Variants in FGFR4 observed in about 807,000 individuals in gnomAD.
FGFR4 encodes hydroxyaryl-protein kinase.
FGFR4 carries 63 observed loss-of-function variants against 89.9 expected under a neutral mutation model. The observed-to-expected ratio is 0.70, with a 90% CI of 0.57 to 0.86. FGFR4 has a LOEUF of 0.86. Among genes scored for constraint, FGFR4 ranks in the 40% least tolerant of loss-of-function variants. The probability of loss-of-function intolerance (pLI) is 0.00; values close to 1 mark genes in which losing one functional copy is unlikely to be tolerated. For synonymous variants in FGFR4, 486 were observed against 479.4 expected, an observed-to-expected ratio of 1.01 and a Z score of -0.18; for missense variants, 928 against 1,106.7, an observed-to-expected ratio of 0.84 and a Z score of 2.29.
chr5:177,087,581 C>T lies in FGFR4; in HGVS notation c.-54+504C>T. ...TCCCACGTGGGGGGTGGTCGGTCAG[C>T]GGTCAGCAGCCATGGGTGACTCGAC... On this transcript the variant is annotated intron_variant, in intron 1 of 17. Transcript: ENST00000292408. The surrounding 1 kb of genome is among the most constrained non-coding windows in gnomAD (Gnocchi z 6.1). The T allele has an allele frequency of 2.0e-6, 2 of 985,504 alleles. No individual in the cohort carries two copies. The highest frequency in any genetic ancestry group is 2.4e-6 in the Non-Finnish European group (2 of 830,010). The allele number at this position is 985,504 out of a possible 1,614,324, so 61.0% of individuals were successfully genotyped here.
chr5:177,090,829 A>G lies in FGFR4; in HGVS notation c.436+4A>G. 6.2e-7 allele frequency: 1 copy of G among 1,614,142 alleles called. No homozygotes were observed. Among genetic ancestry groups the G allele is most frequent in the East Asian group, 2.2e-5 (1 of 44,892 alleles). On this transcript the variant is annotated splice_donor_region_variant and intron_variant, in intron 4 of 17. Transcript: ENST00000292408. Reference sequence around the variant, plus strand: ...AGGCACAGTTACCCCCAGCAAGGTCAGTAGGTCTCCAAGGACTTGTGTCCC... The same window carrying G: ...AGGCACAGTTACCCCCAGCAAGGTCGGTAGGTCTCCAAGGACTTGTGTCCC...
chr5:177,097,685 C>T lies in FGFR4; in HGVS notation c.*9C>T. The T allele has an allele frequency of 6.2e-7, 1 of 1,613,022 alleles. No homozygotes were observed. Among genetic ancestry groups the T allele is most frequent in the Non-Finnish European group, 8.5e-7 (1 of 1,179,448 alleles). On this transcript the variant is annotated 3_prime_UTR_variant, in exon 18 of 18. Transcript: ENST00000292408. ...CTGGGGTGCAGACATGAGCAAGGCT[C>T]AAGGCTGTGCAGGCACATAGGCTGG... is the stretch of plus-strand genomic sequence containing the variant.
Position 177,091,736 on chromosome 5 carries a change from C to T in FGFR4, c.655C>T (p.Arg219Cys), listed in dbSNP as rs753812223. The T allele has an allele frequency of 3.2e-5, 52 of 1,614,086 alleles. No individual in the cohort carries two copies. Among genetic ancestry groups the T allele is most frequent in the Non-Finnish European group, 4.1e-5 (48 of 1,180,042 alleles). ...LVMESVVPSD[R>C]GTYTCLVENA... Reference sequence around the variant, plus strand: ...GATGGAGAGCGTGGTGCCCTCGGACCGCGGCACATACACCTGCCTGGTAGA... The same window carrying T: ...GATGGAGAGCGTGGTGCCCTCGGACTGCGGCACATACACCTGCCTGGTAGA... Residue 219 changes from arginine (R) to cysteine (C), a missense_variant, in exon 6 of 18, where the codon CGC becomes TGC. Physicochemically the swap from Arg to Cys is radical, Grantham distance 180. Around this residue, in one of 5 missense-constraint regions of FGFR4, gnomAD observed 741 missense variants for 836.9 expected, o/e 0.89. Transcript: ENST00000292408.
Position 177,097,778 on chromosome 5 carries a change from G to A in FGFR4, c.*102G>A. On this transcript the variant is annotated 3_prime_UTR_variant, in exon 18 of 18. Coordinates refer to ENST00000292408, the MANE Select transcript of FGFR4 (RefSeq NM_213647.3). The stretch of plus-strand genomic sequence containing the variant: ...TCGACCTTGATAGCATGGGGCCCCT[G>A]GCCCAGAGTTGCTGTGCCGTGTCCA... 2 of 1,442,636 alleles carry A rather than the reference G, an allele frequency of 1.4e-6. No individual in the cohort carries two copies. The highest frequency in any genetic ancestry group is 1.8e-4 in the Middle Eastern group (1 of 5,420). The allele number at this position is 1,442,636 out of a possible 1,614,324, so 89.4% of individuals were successfully genotyped here.
rs2149730879 is a variant in FGFR4, at chr5:177,090,510, G to A, written c.212G>A (p.Ser71Asn). Reference protein sequence around the residue: ...ERGGHWYKEGSRLAPAGRVRG... With the variant: ...ERGGHWYKEGNRLAPAGRVRG... ...GGTGGCCACTGGTACAAGGAGGGCA[G>A]TCGCCTGGCACCTGCTGGCCGTGTA... The change falls in exon 3 of 18, where the codon AGT becomes AAT. Residue 71 changes from serine to asparagine, a missense_variant. Physicochemically the swap from Ser to Asn is conservative, Grantham distance 46. This residue lies in a region of FGFR4 where 741 missense variants were observed against 836.9 expected (regional missense o/e 0.89). Transcript: ENST00000292408. The A allele has an allele frequency of 6.4e-7, 1 of 1,567,214 alleles. No individual in the cohort carries two copies. The highest frequency in any genetic ancestry group is 1.2e-5 in the South Asian group (1 of 83,010).
chr5:177,095,624 C>CGACG lies in FGFR4; in HGVS notation c.1724_1727dup (p.Pro577ArgfsTer6). 1 of 1,605,184 alleles carries CGACG rather than the reference C, an allele frequency of 6.2e-7. No homozygotes were observed. The stretch of plus-strand genomic sequence containing the variant: ...GCCCCCCAGGCCCCGACCTCAGCCC[C>CGACG]GACGGTCCTCGGAGCAGTGAGGGGC... On this transcript the variant is annotated frameshift_variant, in exon 13 of 18. Transcript: ENST00000292408. LOFTEE classifies it high-confidence loss of function. The surrounding 1 kb of genome is among the most constrained non-coding windows in gnomAD (Gnocchi z 5.7).
chr5:177,094,631 C>T (rs964584416), intron 11 of FGFR4, among the ~76,000 whole-genome samples: 2 of 151,970 alleles, frequency 1.3e-5, no homozygotes, highest in African/African-American at 4.8e-5. Flanking sequence ...TCCTGCACCC[C>T]ACCCATCAGG....
chr5:177,097,222 G>A (rs1784635086), intron 16 of FGFR4, 70 bp from the exon 17 acceptor site: 1 of 1,313,526 alleles, frequency 7.6e-7, no homozygotes, highest in African/African-American at 1.5e-5. Context: ...CCCACCCAGA[G>A]AACCCCCGGT....
rs148700600 is a variant in FGFR4, at chr5:177,096,072, C to T, written c.1837C>T (p.Leu613=). Residue 613 remains leucine (L), a synonymous_variant, in exon 14 of 18, where the codon CTG becomes TTG. Transcript: ENST00000292408. ...CTCCCTGCAGTGTATCCACCGGGAC[C>T]TGGCTGCCCGCAATGTGCTGGTGAC... is the stretch of plus-strand genomic sequence containing the variant. The part of the protein sequence containing the change: ...LESRKCIHRD[L]AARNVLVTED... 2.5e-6 allele frequency: 4 copies of T among 1,613,992 alleles called. No individual in the cohort carries two copies. The highest frequency in any genetic ancestry group is 1.3e-5 in the African/African-American group (1 of 75,056).
chr5:177,089,741 C>A, intron 2 of FGFR4, 48 bp downstream of exon 2: 2 of 1,596,606 alleles, frequency 1.3e-6, no homozygotes, highest in South Asian at 1.1e-5. Flanking sequence ...GAAGAGTGGG[C>A]ACCAGGAGGG....
Position 177,097,689 on chromosome 5 carries a change from G to C in FGFR4, c.*13G>C. ...GGTGCAGACATGAGCAAGGCTCAAG[G>C]CTGTGCAGGCACATAGGCTGGTGGC... On this transcript the variant is annotated 3_prime_UTR_variant, in exon 18 of 18. Coordinates refer to ENST00000292408, the MANE Select transcript of FGFR4 (RefSeq NM_213647.3). The C allele has an allele frequency of 6.2e-7, 1 of 1,612,802 alleles. No individual in the cohort carries two copies. Among genetic ancestry groups the C allele is most frequent in the Non-Finnish European group, 8.5e-7 (1 of 1,179,356 alleles).
Position 177,093,723 on chromosome 5 carries a change from G to A in FGFR4, c.1467G>A (p.Met489Ile). ...TAGTACGTGCAGAGGCCTTTGGCATGGACCCTGCCCGGCCTGACCAAGCCA... is the reference window on the plus strand; with the variant it reads ...TAGTACGTGCAGAGGCCTTTGGCATAGACCCTGCCCGGCCTGACCAAGCCA... The part of the protein sequence containing the change: ...GQVVRAEAFG[M>I]DPARPDQAST... Residue 489 changes from methionine to isoleucine, a missense_variant, in exon 11 of 18, where the codon ATG (methionine) becomes ATA (isoleucine). Physicochemically the swap from Met to Ile is conservative, Grantham distance 10. Transcript: ENST00000292408. This position sits in a 1 kb window ranked among gnomAD's most constrained non-coding sequence, Gnocchi z 5.8. The A allele has an allele frequency of 1.2e-6, 2 of 1,614,078 alleles. No homozygotes were observed. Among genetic ancestry groups the A allele is most frequent in the Non-Finnish European group, 1.7e-6 (2 of 1,180,032 alleles).
chr5:177,097,485 A>G (rs748235370), intron 17 of FGFR4, 42 bp from the exon 18 acceptor site: 1 of 1,601,096 alleles, frequency 6.2e-7, no homozygotes, highest in Non-Finnish European at 8.5e-7. Flanking sequence ...GCCCCGTCCC[A>G]TCCCGGGCGC....
chr5:177,096,714 A>G lies in FGFR4; in HGVS notation c.2126A>G (p.Asp709Gly), dbSNP rs753579787. ...CTGCTGCGGGAGGGACATCGGATGG[A>G]CCGACCCCCACACTGCCCCCCAGAG... ...FSLLREGHRMDRPPHCPPELY... is the reference protein window; with the variant it reads ...FSLLREGHRMGRPPHCPPELY... The change falls in exon 16 of 18, where the codon GAC (aspartate) becomes GGC (glycine). Residue 709 changes from aspartate to glycine, a missense_variant. Physicochemically the swap from Asp to Gly is moderately conservative, Grantham distance 94. Around this residue, in one of 5 missense-constraint regions of FGFR4, gnomAD observed 129 missense variants for 150.8 expected, o/e 0.86. Coordinates refer to ENST00000292408, the MANE Select transcript of FGFR4 (RefSeq NM_213647.3). The G allele has an allele frequency of 1.6e-5, 25 of 1,591,758 alleles. No individual in the cohort carries two copies. The East Asian group carries it at 5.6e-4, about 36-fold the overall frequency.
chr5:177,090,430 G>A lies in FGFR4; in HGVS notation c.132G>A (p.Glu44=). 6.2e-7 allele frequency: 1 copy of A among 1,605,412 alleles called. No individual in the cohort carries two copies. Among genetic ancestry groups the A allele is most frequent in the Admixed American group, 1.7e-5 (1 of 59,990 alleles). ...LAPSLEQQEQ[E]LTVALGQPVR... is the part of the protein sequence containing the mutation. ...CCAGCCTGGAGCAGCAAGAGCAGGAGCTGACAGTAGCCCTTGGGCAGCCTG... is the reference window on the plus strand; with the variant it reads ...CCAGCCTGGAGCAGCAAGAGCAGGAACTGACAGTAGCCCTTGGGCAGCCTG... Residue 44 remains glutamate, a synonymous_variant, in exon 3 of 18, where the codon GAG becomes GAA. Transcript: ENST00000292408.
At chr5:177,090,303 C>G (rs3135921) in intron 2 of FGFR4, 87 bp from the exon 3 acceptor site, 6 of 1,583,412 alleles carry the variant, frequency 3.8e-6, no homozygotes, top group Non-Finnish European at 5.1e-6. Flanking sequence ...AGTGCTTGTG[C>G]CCTGCATGTG....
intron 11 of FGFR4, chr5:177,094,731 C>T (rs1266829456): frequency 3.1e-5 from 5 of 159,218 alleles, no homozygotes; most frequent in African/African-American, 1.2e-4. Context: ...GCTGGGGCCA[C>T]CTGGTGCTCC....
Position 177,093,097 on chromosome 5 carries a change from G to C in FGFR4, c.1058-41G>C, listed in dbSNP as rs1354712972. 1 of 1,613,276 alleles carries C rather than the reference G, an allele frequency of 6.2e-7. No individual in the cohort carries two copies. Among genetic ancestry groups the C allele is most frequent in the Non-Finnish European group, 8.5e-7 (1 of 1,179,560 alleles). On this transcript the variant is annotated intron_variant, in intron 8 of 17. Transcript: ENST00000292408. This position sits in a 1 kb window ranked among gnomAD's most constrained non-coding sequence, Gnocchi z 5.8. ...GCACGGGGCGGCCAGTCTCACCACT[G>C]ACCAGTTTGTCTGTCTGTGTGTGTC...
rs1451612640 is a variant in FGFR4 at position 177,097,755 on chromosome 5, G to A, written c.*79G>A. On this transcript the variant is annotated 3_prime_UTR_variant, in exon 18 of 18. Coordinates refer to ENST00000292408, the MANE Select transcript of FGFR4 (RefSeq NM_213647.3). ...TCAGCCACAGCCTGACACAGTGCTC[G>A]ACCTTGATAGCATGGGGCCCCTGGC... The A allele has an allele frequency of 2.0e-5, 30 of 1,526,468 alleles. No homozygotes were observed. Among genetic ancestry groups the A allele is most frequent in the Non-Finnish European group, 2.4e-5 (27 of 1,136,806 alleles). The allele number at this position is 1,526,468 out of a possible 1,614,324, so 94.6% of individuals were successfully genotyped here.
Sources: gnomAD v4.1 joint callset for allele counts (sites outside exome capture counted in the v4.1 genomes callset) on GRCh38, gnomAD v4.1.1 for gene constraint, gnomAD v4.1.1 regional missense constraint, Gnocchi (gnomAD v3.1) non-coding constraint, MANE v1.5 for transcripts, NCBI Gene and HGNC (gene_info 2026-07-23, HGNC 2026-07-21) for gene names.